The following CYGB variants were observed in gnomAD, a reference collection of about 807,000 sequenced individuals.
The protein encoded by CYGB is histoglobin.
In CYGB, 13 loss-of-function variants were observed where a neutral mutation model predicts 20.7. The ratio of observed to expected loss-of-function variants is 0.63; its 90% CI spans 0.41 to 1.00. CYGB has a LOEUF of 1.00. Ranked by LOEUF, CYGB falls within the 50% of genes least tolerant of loss-of-function variation. The pLI is 0.00. For missense variants in CYGB, 218 were observed against 257.2 expected, an observed-to-expected ratio of 0.85 and a Z score of 1.04; for synonymous variants, 93 against 107.4, an observed-to-expected ratio of 0.87 and a Z score of 0.83.
At chr17:76,543,726 C>T (rs1444649345) in intron 1 of CYGB, 1 of 467,906 alleles carries the variant, frequency 2.1e-6, no homozygotes, top group East Asian at 7.0e-5. Context: ...TTCTGTTAAG[C>T]CGCCACTTGT....
chr17:76,535,976 C>A (rs1203276501), intron 1 of CYGB, among the ~76,000 whole-genome samples: 1 of 152,162 alleles, frequency 6.6e-6, no homozygotes, highest in African/African-American at 2.4e-5. Context: ...TGCTGACACA[C>A]GGCTGACGGC....
intron 1 of CYGB, among the ~76,000 whole-genome samples, chr17:76,535,125 T>C (rs1271919054): frequency 6.6e-6 from 1 of 152,006 alleles, no homozygotes; most frequent in Admixed American, 6.5e-5. Flanking sequence ...AATGGAAGTG[T>C]GGGGTCTGCC....
intron 1 of CYGB, chr17:76,542,710 C>T: frequency 1.1e-6 from 1 of 902,522 alleles, no homozygotes; most frequent in Non-Finnish European, 1.8e-6. Flanking sequence ...AAGTCCCGGC[C>T]ATGTGGGAGG....
intron 1 of CYGB, among the ~76,000 whole-genome samples, chr17:76,548,200 C>T (rs1239923945): frequency 6.6e-6 from 1 of 151,888 alleles, no homozygotes; most frequent in Non-Finnish European, 1.5e-5. Context: ...CATTTACACA[C>T]ATACAGACAT....
At chr17:76,540,381 T>TA (rs2074976516), upstream of CYGB, 9 of 1,317,426 alleles carry the variant, frequency 6.8e-6, no homozygotes, top group Admixed American at 7.0e-5. The surrounding 1 kb of genome is among the most constrained non-coding windows in gnomAD (Gnocchi z 5.0). Context: ...CAGGGGGACT[T>TA]AGAGCTTCAA....
rs140505249 is a variant in CYGB, at chr17:76,537,465, C to T, written c.78G>A (p.Ala26=). ...AGAGCCGGGCCCACATAGCCTGCAC[C>T]GCCTTCCTCTCCGCCTCGGACAGCT... ...SEELSEAERK[A]VQAMWARLYA... Residue 26 remains alanine, a synonymous_variant, in exon 1 of 4, where the codon GCG becomes GCA. Coordinates refer to ENST00000293230, the MANE Select transcript of CYGB (RefSeq NM_134268.5). 2 of 1,597,372 alleles carry T rather than the reference C, an allele frequency of 1.3e-6. No homozygotes were observed. Among genetic ancestry groups the T allele is most frequent in the African/African-American group, 2.7e-5 (2 of 72,808 alleles).
At chr17:76,545,243 C>G in intron 1 of CYGB, 1 of 456,802 alleles carries the variant, frequency 2.2e-6, no homozygotes, top group South Asian at 1.5e-5. Context: ...CAGCCTAGAG[C>G]TCCCCACAGA....
At chr17:76,532,898 C>T (rs181451111) in intron 1 of CYGB, among the ~76,000 whole-genome samples, 6 of 152,132 alleles carry the variant, frequency 3.9e-5, no homozygotes, top group African/African-American at 9.7e-5. Context: ...ACATGGGCAC[C>T]GACTCAATCA....
chr17:76,529,335 T>C, intron 3 of CYGB: 2 of 985,394 alleles, frequency 2.0e-6, no homozygotes, highest in Non-Finnish European at 2.4e-6. Flanking sequence ...GGGTGCCAGT[T>C]TCCACGGTAG....
In CYGB at chr17:76,537,478, G is replaced by T. The variant is rs1411668804; in HGVS notation, c.65C>A (p.Ala22Glu). The change falls in exon 1 of 4, where the codon GCG (alanine) becomes GAG (glutamate). Residue 22 changes from alanine (A) to glutamate (E), a missense_variant. This residue lies in a region of CYGB where 152 missense variants were observed against 149.9 expected (regional missense o/e 1.01). Coordinates refer to ENST00000293230, the MANE Select transcript of CYGB (RefSeq NM_134268.5). Reference protein sequence around the residue: ...RRERSEELSEAERKAVQAMWA... With the variant: ...RRERSEELSEEERKAVQAMWA... The stretch of plus-strand genomic sequence containing the variant: ...CATAGCCTGCACCGCCTTCCTCTCC[G>T]CCTCGGACAGCTCCTCGCTCCGCTC... 6.3e-7 allele frequency: 1 copy of T among 1,592,376 alleles called. No individual in the cohort carries two copies. Among genetic ancestry groups the T allele is most frequent in the South Asian group, 1.1e-5 (1 of 89,306 alleles).
At chr17:76,535,943 A>T (rs2143113302) in intron 1 of CYGB, among the ~76,000 whole-genome samples, 1 of 152,318 alleles carries the variant, frequency 6.6e-6, no homozygotes. Flanking sequence ...TGCCAGACGC[A>T]TGCAAGGCCG....
intron 1 of CYGB, among the ~76,000 whole-genome samples, chr17:76,548,774 C>G (rs2075080357): frequency 6.6e-6 from 1 of 152,192 alleles, no homozygotes; most frequent in South Asian, 2.1e-4. Flanking sequence ...CACTGTGGAT[C>G]CAGAAACGGA....
chr17:76,535,012 A>C (rs899638939), intron 1 of CYGB, among the ~76,000 whole-genome samples: 1 of 152,240 alleles, frequency 6.6e-6, no homozygotes, highest in African/African-American at 2.4e-5. Flanking sequence ...CTGGGCTTCC[A>C]AGAGAGCCTG....
At position 76,527,560 on chromosome 17, in the gene CYGB, C is replaced by A. The variant is rs1271154615; in HGVS notation, c.*1018G>T. 3 of 444,730 alleles carry A rather than the reference C, an allele frequency of 6.7e-6. No individual in the cohort carries two copies. The highest frequency in any genetic ancestry group is 1.4e-4 in the East Asian group (2 of 14,082). The allele number at this position is 444,730 out of a possible 1,614,324, so 27.5% of individuals were successfully genotyped here. On this transcript the variant is annotated 3_prime_UTR_variant, in exon 4 of 4. Coordinates refer to ENST00000293230, the MANE Select transcript of CYGB (RefSeq NM_134268.5). The stretch of plus-strand genomic sequence containing the variant: ...TGACCAAGGGGCACACACGGGGGGC[C>A]CCCCTGGCAAGCCTGACGCAGATGA...
At chr17:76,529,552 C>T (rs2074809808) in intron 3 of CYGB, 2 of 985,100 alleles carry the variant, frequency 2.0e-6, no homozygotes, top group South Asian at 9.4e-5. Context: ...TCTCTTGGCC[C>T]TTGTAAAAAA....
At chr17:76,548,664 T>C (rs16969019) in intron 1 of CYGB, among the ~76,000 whole-genome samples, 10,270 of 152,220 alleles carry the variant, frequency 0.067, 1,093 homozygotes, top group African/African-American at 0.23. Flanking sequence ...AACAGTTTAG[T>C]AAAATGAAGG....
chr17:76,540,679 C>A, upstream of CYGB: 1 of 1,142,202 alleles, frequency 8.8e-7, no homozygotes, highest in Non-Finnish European at 1.3e-6. This position sits in a 1 kb window ranked among gnomAD's most constrained non-coding sequence, Gnocchi z 5.0. Context: ...GTGCGTGCAC[C>A]GTATCCTGGC....
chr17:76,540,831 C>T (rs2074983492), upstream of CYGB, among the ~76,000 whole-genome samples: 1 of 152,210 alleles, frequency 6.6e-6, no homozygotes, highest in African/African-American at 2.4e-5. This position sits in a 1 kb window ranked among gnomAD's most constrained non-coding sequence, Gnocchi z 5.0. Flanking sequence ...GGCGGTCCCC[C>T]GGGGCACCTT....
chr17:76,530,024 G>A lies in CYGB; in HGVS notation c.539+955C>T, dbSNP rs928838119. On this transcript the variant is annotated intron_variant, in intron 3 of 3. Transcript: ENST00000293230. This position sits in a 1 kb window ranked among gnomAD's most constrained non-coding sequence, Gnocchi z 6.1. ...GGGACCTCCTCCAGGAGCTGTGCCT[G>A]TGAACAGAAGGGCCGGCAGTCTTGG... 19 of 985,414 alleles carry A rather than the reference G, an allele frequency of 1.9e-5. No homozygotes were observed. The highest frequency in any genetic ancestry group is 2.2e-5 in the Non-Finnish European group (18 of 829,910). The allele number at this position is 985,414 out of a possible 1,614,324, so 61.0% of individuals were successfully genotyped here.
Sources: gnomAD v4.1 joint callset for allele counts (sites outside exome capture counted in the v4.1 genomes callset) on GRCh38, gnomAD v4.1.1 for gene constraint, gnomAD v4.1.1 regional missense constraint, Gnocchi (gnomAD v3.1) non-coding constraint, MANE v1.5 for transcripts, NCBI Gene and HGNC (gene_info 2026-07-23, HGNC 2026-07-21) for gene names.